Variants in NDUFV1 observed in about 807,000 individuals in gnomAD.
NDUFV1 encodes NADH dehydrogenase [ubiquinone] flavoprotein 1, mitochondrial.
A neutral mutation model predicts 48.7 loss-of-function variants in NDUFV1; 41 were observed. That is an observed-to-expected ratio of 0.84 (90% CI 0.66 to 1.09). The LOEUF (loss-of-function observed/expected upper bound fraction) is 1.09. Among genes scored for constraint, NDUFV1 ranks in the 50% least tolerant of loss-of-function variants. The pLI is 0.00. For synonymous variants in NDUFV1, 231 were observed against 259.1 expected (o/e 0.89, Z 1.04); for missense variants, 580 against 645.4 (o/e 0.90, Z 1.10).
rs961228156 is a variant in NDUFV1 at position 67,611,186 on chromosome 11, G to A, written c.892G>A (p.Glu298Lys). The change falls in exon 6 of 10, where the codon GAA becomes AAA. Residue 298 changes from glutamate to lysine, a missense_variant. By Grantham distance (56) the Glu-to-Lys change is moderately conservative. Transcript: ENST00000322776. The surrounding 1 kb of genome is among the most constrained non-coding windows in gnomAD (Gnocchi z 4.2). ...GGAGGAGATGTCTGTGCCCTTGAAA[G>A]AACTGATTGAGAAGCATGCTGGTAA... is the stretch of plus-strand genomic sequence containing the variant. ...VEEEMSVPLK[E>K]LIEKHAGGVT... 3 of 1,614,136 alleles carry A rather than the reference G, an allele frequency of 1.9e-6. No individual in the cohort carries two copies. The highest frequency in any genetic ancestry group is 2.5e-6 in the Non-Finnish European group (3 of 1,180,024).
rs768582587 is a variant in NDUFV1 at position 67,612,416 on chromosome 11, G to T, written c.1353G>T (p.Gln451His). The T allele has an allele frequency of 4.9e-5, 79 of 1,612,532 alleles. No individual in the cohort carries two copies. Among genetic ancestry groups the T allele is most frequent in the Middle Eastern group, 2.0e-4 (1 of 4,906 alleles). The change falls in exon 10 of 10, where the codon CAG (glutamine) becomes CAT (histidine). Residue 451 changes from glutamine (Q) to histidine (H), a missense_variant. Transcript: ENST00000322776. This position sits in a 1 kb window ranked among gnomAD's most constrained non-coding sequence, Gnocchi z 4.4. ...GGCCGGAGCTCGAGGAGCGGATGCA[G>T]CGGTTTGCCCAGCAGCATCAGGCCC... Reference protein sequence around the residue: ...HFRPELEERMQRFAQQHQARQ... With the variant: ...HFRPELEERMHRFAQQHQARQ...
chr11:67,612,251 G>A lies in NDUFV1; in HGVS notation c.1294G>A (p.Ala432Thr), dbSNP rs1012707296. 6 of 1,613,774 alleles carry A rather than the reference G, an allele frequency of 3.7e-6. No homozygotes were observed. Among genetic ancestry groups the A allele is most frequent in the Non-Finnish European group, 5.1e-6 (6 of 1,179,936 alleles). ...HTICALGDGA[A>T]WPVQGLIRHF... ...GATTTGTGCTCTGGGTGACGGGGCC[G>A]CCTGGCCTGTGCAGGTATTCACCAC... is the stretch of plus-strand genomic sequence containing the variant. The change falls in exon 9 of 10, where the codon GCC becomes ACC. Residue 432 changes from alanine (A) to threonine (T), a missense_variant. Transcript: ENST00000322776. This position sits in a 1 kb window ranked among gnomAD's most constrained non-coding sequence, Gnocchi z 4.4.
rs546393469 is a variant in NDUFV1 at position 67,607,415 on chromosome 11, C to T, written c.72+339C>T. ...TGCCCCATTTAGGGATGCGCACCTC[C>T]TGATTTCCCGTCCACTGCTCTGCGC... is the stretch of plus-strand genomic sequence containing the variant. On this transcript the variant is annotated intron_variant, in intron 1 of 9. Coordinates refer to ENST00000322776, the MANE Select transcript of NDUFV1 (RefSeq NM_007103.4). The T allele has an allele frequency of 4.0e-5, 21 of 529,776 alleles. No homozygotes were observed. In the Admixed American group the frequency reaches 4.0e-4, roughly 10 times the overall value. 32.8% of individuals were successfully genotyped at this position (529,776 alleles called of 1,614,324 possible).
intron 4 of NDUFV1, 53 bp from the exon 5 acceptor site, chr11:67,610,328 G>A (rs562119227): frequency 1.2e-6 from 2 of 1,606,066 alleles, no homozygotes; most frequent in Admixed American, 3.3e-5. Flanking sequence ...TGAAGTTATA[G>A]GCTGACTCCT....
chr11:67,608,867 T>G, intron 3 of NDUFV1, 145 bp downstream of exon 3: 5 of 1,127,232 alleles, frequency 4.4e-6, no homozygotes, highest in Non-Finnish European at 6.4e-6. Context: ...GGATGGGACT[T>G]ACTCTGTGGA....
At position 67,609,620 on chromosome 11, in the gene NDUFV1, G is replaced by A. The variant is rs1303128209; in HGVS notation, c.495G>A (p.Glu165=). 2 of 1,605,376 alleles carry A rather than the reference G, an allele frequency of 1.2e-6. No individual in the cohort carries two copies. Among genetic ancestry groups the A allele is most frequent in the Admixed American group, 1.7e-5 (1 of 60,020 alleles). ...YIYIRGEFYN[E]ASNLQVAIRE... ...ACATCCGAGGGGAATTCTACAATGA[G>A]GCCTCCAATCTGCAGGTGGGTAGGG... Residue 165 remains glutamate, a synonymous_variant, in exon 4 of 10, where the codon GAG becomes GAA. Transcript: ENST00000322776.
At position 67,611,703 on chromosome 11, in the gene NDUFV1, A is replaced by T; in HGVS notation, c.1080+134A>T. 7.0e-7 allele frequency: 1 copy of T among 1,434,686 alleles called. No individual in the cohort carries two copies. The highest frequency in any genetic ancestry group is 1.2e-5 in the South Asian group (1 of 81,680). The allele number at this position is 1,434,686 out of a possible 1,614,324, so 88.9% of individuals were successfully genotyped here. On this transcript the variant is annotated intron_variant, in intron 7 of 9. Coordinates refer to ENST00000322776, the MANE Select transcript of NDUFV1 (RefSeq NM_007103.4). The surrounding 1 kb of genome is among the most constrained non-coding windows in gnomAD (Gnocchi z 4.2). ...CTGAGATAAAGCAAGGTGGAAGAGGAGGGAGGAAGGCTGCTCTGAGGAGAA... is the reference window on the plus strand; with the variant it reads ...CTGAGATAAAGCAAGGTGGAAGAGGTGGGAGGAAGGCTGCTCTGAGGAGAA...
rs752045049 is a variant in NDUFV1, at chr11:67,612,442, G to T, written c.1379G>T (p.Arg460Leu). Residue 460 changes from arginine (R) to leucine (L), a missense_variant, in exon 10 of 10, where the codon CGG (arginine) becomes CTG (leucine). Arg to Leu is a moderately radical substitution (Grantham distance 102). Transcript: ENST00000322776. The surrounding 1 kb of genome is among the most constrained non-coding windows in gnomAD (Gnocchi z 4.4). The part of the protein sequence containing the change: ...MQRFAQQHQA[R>L]QAAS Reference sequence around the variant, plus strand: ...CGGTTTGCCCAGCAGCATCAGGCCCGGCAGGCTGCCTCTTAGCCCACCACC... The same window carrying T: ...CGGTTTGCCCAGCAGCATCAGGCCCTGCAGGCTGCCTCTTAGCCCACCACC... The T allele has an allele frequency of 1.9e-6, 3 of 1,611,856 alleles. No homozygotes were observed. The highest frequency in any genetic ancestry group is 2.5e-6 in the Non-Finnish European group (3 of 1,179,836).
rs1646001739 is a variant in NDUFV1 at position 67,611,983 on chromosome 11, G to A, written c.1162+5G>A. 1 of 1,613,908 alleles carries A rather than the reference G, an allele frequency of 6.2e-7. No individual in the cohort carries two copies. Among genetic ancestry groups the A allele is most frequent in the Non-Finnish European group, 8.5e-7 (1 of 1,179,982 alleles). On this transcript the variant is annotated splice_donor_5th_base_variant and intron_variant, in intron 8 of 9. Coordinates refer to ENST00000322776, the MANE Select transcript of NDUFV1 (RefSeq NM_007103.4). The surrounding 1 kb of genome is among the most constrained non-coding windows in gnomAD (Gnocchi z 4.2). ...AGTGTACCCCATGCCGTGAGGGTGA[G>A]CATCGGGCAGGTTGGGGGCTTGCTT...
intron 1 of NDUFV1, chr11:67,607,463 C>G: frequency 2.1e-6 from 1 of 483,218 alleles, no homozygotes; most frequent in African/African-American, 2.0e-5. Context: ...GAAAAGTGCT[C>G]TTAAAAGGAT....
chr11:67,609,311 TG>T, intron 3 of NDUFV1, 140 bp from the exon 4 acceptor site: 1 of 815,388 alleles, frequency 1.2e-6, no homozygotes, highest in Non-Finnish European at 2.0e-6. Context: ...GCAGAGCCCC[TG>T]GGACATGTTG....
At chr11:67,609,094 C>T (rs947959984) in intron 3 of NDUFV1, among the ~76,000 whole-genome samples, 3 of 152,160 alleles carry the variant, frequency 2.0e-5, no homozygotes, top group African/African-American at 7.2e-5. Context: ...CTGGTTGGCA[C>T]ATAAAGCAAA....
chr11:67,609,750 G>C, intron 4 of NDUFV1, 115 bp downstream of exon 4: 1 of 1,251,936 alleles, frequency 8.0e-7, no homozygotes, highest in East Asian at 2.4e-5. Context: ...GGTTGAACTG[G>C]GGGAGTGGTG....
At chr11:67,610,310 A>G (rs958275670) in intron 4 of NDUFV1, 71 bp from the exon 5 acceptor site, 3 of 1,582,938 alleles carry the variant, frequency 1.9e-6, no homozygotes, top group African/African-American at 2.7e-5. Flanking sequence ...CAAGGGCTTC[A>G]TGACTCCTGA....
At chr11:67,610,280 G>A (rs1854886583) in intron 4 of NDUFV1, 101 bp from the exon 5 acceptor site, 1 of 1,371,950 alleles carries the variant, frequency 7.3e-7, no homozygotes, top group African/African-American at 1.4e-5. Flanking sequence ...AGCATTAGGA[G>A]CTTCACCGTG....
In NDUFV1 at chr11:67,609,817, T is replaced by C. The variant is rs557912818; in HGVS notation, c.510+182T>C. 18 of 617,198 alleles carry C rather than the reference T, an allele frequency of 2.9e-5. No homozygotes were observed. In the East Asian group the frequency reaches 5.2e-4, roughly 18 times the overall value. 38.2% of individuals were successfully genotyped at this position (617,198 alleles called of 1,614,324 possible). A position where few individuals can be genotyped will look rare whatever the true frequency, so the allele number is the denominator to read the frequency against. On this transcript the variant is annotated intron_variant, in intron 4 of 9. Transcript: ENST00000322776. Reference sequence around the variant, plus strand: ...GGCTCCCAAAGCCTCCTTCCAGGGCTCCTAATGCTGCTGGTGTAAATTTTT... The same window carrying C: ...GGCTCCCAAAGCCTCCTTCCAGGGCCCCTAATGCTGCTGGTGTAAATTTTT...
rs1871043 is a variant in NDUFV1, at chr11:67,607,110, T to C, written c.72+34T>C. On this transcript the variant is annotated intron_variant, in intron 1 of 9. Coordinates refer to ENST00000322776, the MANE Select transcript of NDUFV1 (RefSeq NM_007103.4). ...CAGCCTGGCTGGGGCCACGGGTGTT[T>C]GGGGCCGGGTGTCGCGGCCGCGCCC... The C allele has an allele frequency of 0.39, 621,302 of 1,587,564 alleles. 126,642 individuals carry two copies. Among genetic ancestry groups the C allele is most frequent in the African/African-American group, 0.62 (46,674 of 74,718 alleles).
Position 67,606,969 on chromosome 11 carries a change from G to A in NDUFV1, c.-36G>A. 2 of 1,599,628 alleles carry A rather than the reference G, an allele frequency of 1.3e-6. No homozygotes were observed. The highest frequency in any genetic ancestry group is 1.7e-6 in the Non-Finnish European group (2 of 1,173,724). On this transcript the variant is annotated 5_prime_UTR_variant, in exon 1 of 10. Transcript: ENST00000322776. ...AGTTCCTCAGCCTCAGTGCTATGAA[G>A]GTGACAGCGTGAGGTGACCCATCTG...
rs11413867 is a variant in NDUFV1 at position 67,608,225 on chromosome 11, C to CAA, written c.73-159_73-158dup. On this transcript the variant is annotated intron_variant, in intron 1 of 9. Transcript: ENST00000322776. ...TAGGCAAAAGAGCAAGAGTCTGTCTCAAAAAAAAAAAAATGCTTACTAAGT... is the reference window on the plus strand; with the variant it reads ...TAGGCAAAAGAGCAAGAGTCTGTCTCAAAAAAAAAAAAAAATGCTTACTAAGT... The CAA allele has an allele frequency of 0.049, 27,665 of 566,556 alleles. 560 individuals are homozygous for CAA. The highest frequency in any genetic ancestry group is 0.17 in the African/African-American group (8,547 of 51,554). The allele number at this position is 566,556 out of a possible 1,614,324, so 35.1% of individuals were successfully genotyped here.
Sources: allele counts gnomAD v4.1 joint callset (sites outside exome capture counted in the v4.1 genomes callset), GRCh38; gene constraint gnomAD v4.1.1; non-coding constraint Gnocchi (gnomAD v3.1); transcripts MANE v1.5; gene names NCBI Gene and HGNC (gene_info 2026-07-23, HGNC 2026-07-21).